Variants in VRK2 observed in about 807,000 individuals in gnomAD.
VRK2 encodes serine/threonine-protein kinase VRK2.
Under a neutral mutation model 57.6 loss-of-function variants are expected in VRK2, and 60 were observed. The ratio of observed to expected loss-of-function variants is 1.04; its 90% CI spans 0.85 to 1.29. The LOEUF is 1.29. Among genes scored for constraint, VRK2 ranks in the 50% most tolerant of loss-of-function variants. The pLI is 0.00. For missense variants in VRK2, 705 were observed against 588.1 expected (o/e 1.20, Z -2.06); for synonymous variants, 231 against 199.2 (o/e 1.16, Z -1.35).
chr2:58,091,134 G>A (rs1178278443), intron 7 of VRK2, among the ~76,000 whole-genome samples: 1 of 152,190 alleles, frequency 6.6e-6, no homozygotes, highest in Non-Finnish European at 1.5e-5. Flanking sequence ...CCATAATGGT[G>A]AATACATGTC....
chr2:57,962,598 G>A (rs1006203835), intron 1 of VRK2, among the ~76,000 whole-genome samples: 8 of 151,964 alleles, frequency 5.3e-5, no homozygotes, highest in African/African-American at 1.9e-4. Flanking sequence ...GTAGGCCCCT[G>A]TGTCTCTTGT....
chr2:58,026,033 T>C (rs1020381673), intron 2 of VRK2, among the ~76,000 whole-genome samples: 7 of 152,182 alleles, frequency 4.6e-5, no homozygotes, highest in African/African-American at 1.7e-4. Flanking sequence ...TATGTGTTAA[T>C]GAAATGAAAT....
intron 1 of VRK2, among the ~76,000 whole-genome samples, chr2:58,006,342 A>G (rs1025916087): frequency 1.1e-4 from 16 of 152,330 alleles, no homozygotes; most frequent in African/African-American, 3.8e-4. Context: ...AAGGTGGCCC[A>G]CAGTGAGTAA....
At chr2:57,928,870 A>G (rs954516666) in intron 1 of VRK2, among the ~76,000 whole-genome samples, 1 of 152,186 alleles carries the variant, frequency 6.6e-6, no homozygotes, top group Non-Finnish European at 1.5e-5. Flanking sequence ...TACCAGACAG[A>G]GATTTTTGTT....
At chr2:57,922,626 A>C (rs984176814) in intron 1 of VRK2, among the ~76,000 whole-genome samples, 2 of 151,904 alleles carry the variant, frequency 1.3e-5, no homozygotes, top group African/African-American at 4.8e-5. Flanking sequence ...GTGGGTACAT[A>C]GGTGTATATA....
chr2:58,061,761 AG>A (rs1677377902), intron 2 of VRK2, among the ~76,000 whole-genome samples: 1 of 152,082 alleles, frequency 6.6e-6, no homozygotes, highest in Non-Finnish European at 1.5e-5. Context: ...AAGAGAAAGC[AG>A]ACCTTCAATA....
At chr2:57,966,387 A>G (rs181921996) in intron 1 of VRK2, among the ~76,000 whole-genome samples, 41 of 152,330 alleles carry the variant, frequency 2.7e-4, no homozygotes, top group Non-Finnish European at 5.6e-4. Flanking sequence ...CAGTATCATG[A>G]GACAGGTAAA....
chr2:58,093,028 A>C (rs1094078), intron 7 of VRK2, among the ~76,000 whole-genome samples: 2 of 152,068 alleles, frequency 1.3e-5, no homozygotes, highest in Admixed American at 1.3e-4. Flanking sequence ...ATTCCATGGT[A>C]TATATGTGCC....
At chr2:57,917,542 C>T (rs1158862431) in intron 1 of VRK2, among the ~76,000 whole-genome samples, 1 of 148,920 alleles carries the variant, frequency 6.7e-6, no homozygotes, top group Non-Finnish European at 1.5e-5. Flanking sequence ...ATTAGTCATA[C>T]TAGATCTAGA....
At chr2:57,969,185 G>C (rs990114040) in intron 1 of VRK2, among the ~76,000 whole-genome samples, 4 of 151,902 alleles carry the variant, frequency 2.6e-5, no homozygotes, top group Non-Finnish European at 5.9e-5. Context: ...TTGTTAAAAA[G>C]AAAAAGAGGG....
intron 2 of VRK2, among the ~76,000 whole-genome samples, chr2:58,026,289 CGCGCACACACACATGTGCACATGT>C (rs1673922838): frequency 6.6e-6 from 1 of 151,616 alleles, no homozygotes. Flanking sequence ...TGTGTGTGCG[CGCGCACACACACATGTGCACATGT>C]GTGAGAAAGA....
intron 1 of VRK2, among the ~76,000 whole-genome samples, chr2:57,980,398 T>A (rs757382225): frequency 1.3e-5 from 2 of 152,062 alleles, no homozygotes; most frequent in African/African-American, 2.4e-5. Context: ...GGTCTGAGAG[T>A]GTGATTAGTA....
At chr2:58,074,984 A>G (rs1311017448) in intron 2 of VRK2, among the ~76,000 whole-genome samples, 1 of 152,058 alleles carries the variant, frequency 6.6e-6, no homozygotes, top group Non-Finnish European at 1.5e-5. Flanking sequence ...TGGTATACGG[A>G]TAATTTTGTC....
At chr2:58,126,145 C>CAA (rs879395569) in intron 8 of VRK2, among the ~76,000 whole-genome samples, 1 of 136,624 alleles carries the variant, frequency 7.3e-6, no homozygotes, top group Non-Finnish European at 1.6e-5. Flanking sequence ...GTACAAAAAG[C>CAA]AAAAAAAAAA....
At chr2:58,065,580 T>C (rs1219749694) in intron 2 of VRK2, among the ~76,000 whole-genome samples, 1 of 152,152 alleles carries the variant, frequency 6.6e-6, no homozygotes, top group African/African-American at 2.4e-5. Context: ...GTTTTAGCTA[T>C]TTTAATTCCT....
At chr2:57,953,986 A>G (rs1165088598) in intron 1 of VRK2, among the ~76,000 whole-genome samples, 1 of 152,156 alleles carries the variant, frequency 6.6e-6, no homozygotes, top group East Asian at 1.9e-4. Flanking sequence ...TTCCCATGTT[A>G]TATTCTCCTA....
chr2:58,154,070 A>C (rs566248752), intron 12 of VRK2, among the ~76,000 whole-genome samples: 3 of 152,012 alleles, frequency 2.0e-5, no homozygotes, highest in African/African-American at 7.2e-5. Context: ...TGAGCTATCA[A>C]ATTTTTGTTG....
chr2:58,042,071 C>A (rs4459722), upstream of VRK2, among the ~76,000 whole-genome samples: 1 of 152,024 alleles, frequency 6.6e-6, no homozygotes, highest in Admixed American at 6.5e-5. Context: ...GGCTGTATCC[C>A]GGGCATGTCC....
chr2:58,143,420 C>T (rs947515152), intron 11 of VRK2, among the ~76,000 whole-genome samples: 5 of 151,920 alleles, frequency 3.3e-5, no homozygotes, highest in African/African-American at 1.2e-4. Context: ...CTATCATCTA[C>T]TTCACTCTTA....
Sources: allele counts gnomAD v4.1 joint callset (sites outside exome capture counted in the v4.1 genomes callset), GRCh38; gene constraint gnomAD v4.1.1; transcripts MANE v1.5; gene names NCBI Gene and HGNC (gene_info 2026-07-23, HGNC 2026-07-21).